The following STXBP3 variants were observed in gnomAD, a reference collection of about 807,000 sequenced individuals.
The protein encoded by STXBP3 is syntaxin binding protein 3, also known as syntaxin-binding protein 3.
Under a neutral mutation model 85.7 loss-of-function variants are expected in STXBP3, and 41 were observed. That is an observed-to-expected ratio of 0.48 (90% CI 0.37 to 0.62). STXBP3 has a LOEUF of 0.62. Among genes scored for constraint, STXBP3 ranks in the 20% least tolerant of loss-of-function variants. The pLI, the probability that STXBP3 is intolerant of heterozygous loss-of-function variation, is 0.00. For missense variants in STXBP3, 563 were observed against 703.1 expected (o/e 0.80, Z 2.25); for synonymous variants, 229 against 231.7 (o/e 0.99, Z 0.10).
intron 11 of STXBP3, among the ~76,000 whole-genome samples, chr1:108,784,110 T>G (rs901414715): frequency 1.2e-4 from 19 of 152,364 alleles, no homozygotes; most frequent in Admixed American, 1.1e-3. Context: ...TTTATCAATT[T>G]ATTTCTTTTA....
chr1:108,796,694 T>A lies in STXBP3; in HGVS notation c.1324T>A (p.Trp442Arg). The A allele has an allele frequency of 6.2e-7, 1 of 1,613,694 alleles. No homozygotes were observed. The highest frequency in any genetic ancestry group is 8.5e-7 in the Non-Finnish European group (1 of 1,179,832). The change falls in exon 15 of 19, where the codon TGG (tryptophan) becomes AGG (arginine). Residue 442 changes from tryptophan to arginine, a missense_variant. Around this residue, in one of 3 missense-constraint regions of STXBP3, gnomAD observed 494 missense variants for 592.8 expected, o/e 0.83. Coordinates refer to ENST00000370008, the MANE Select transcript of STXBP3 (RefSeq NM_007269.4). ...AAATGAGAGTGACATGATTCGTAAC[T>A]GGAGTTACCTTGGTGTTCCCATTGT... The part of the protein sequence containing the change: ...IENESDMIRN[W>R]SYLGVPIVPQ...
rs982190166 is a variant in STXBP3, at chr1:108,746,780, T to G, written c.43T>G (p.Trp15Gly). 7 of 1,550,000 alleles carry G rather than the reference T, an allele frequency of 4.5e-6. No homozygotes were observed. The highest frequency in any genetic ancestry group is 6.1e-6 in the Non-Finnish European group (7 of 1,146,604). The stretch of plus-strand genomic sequence containing the variant: ...AGAGAGGGGGCTAAAGAGCGTCGTG[T>G]GGCAGAGTGAGTGCGGTGGGGTAGG... Reference protein sequence around the residue: ...VAERGLKSVVWQKIKATVFDD... With the variant: ...VAERGLKSVVGQKIKATVFDD... Residue 15 changes from tryptophan (W) to glycine (G), a missense_variant, in exon 1 of 19, where the codon TGG becomes GGG. Trp to Gly is a radical substitution (Grantham distance 184). Coordinates refer to ENST00000370008, the MANE Select transcript of STXBP3 (RefSeq NM_007269.4).
chr1:108,775,563 T>G (rs890898060), intron 7 of STXBP3, among the ~76,000 whole-genome samples: 5 of 152,058 alleles, frequency 3.3e-5, no homozygotes, highest in Non-Finnish European at 7.4e-5. Context: ...CACCCACCAC[T>G]CCTGCCCCTT....
intron 6 of STXBP3, chr1:108,766,806 T>A (rs1662272804): frequency 3.7e-6 from 1 of 271,896 alleles, no homozygotes; most frequent in African/African-American, 2.3e-5. Context: ...CCAAATTGAC[T>A]CTTAACATTC....
intron 4 of STXBP3, 62 bp downstream of exon 4, chr1:108,756,828 T>A (rs1662031949): frequency 1.5e-6 from 2 of 1,320,954 alleles, no homozygotes; most frequent in South Asian, 2.9e-5. Flanking sequence ...TATGGTTTAC[T>A]AACAGAAAAT....
chr1:108,805,176 T>C (rs948519294), intron 17 of STXBP3, among the ~76,000 whole-genome samples: 9 of 152,208 alleles, frequency 5.9e-5, no homozygotes, highest in Non-Finnish European at 1.3e-4. Flanking sequence ...TAGAATTGTT[T>C]TGAGCAGTGT....
At chr1:108,756,854 A>G in intron 4 of STXBP3, 88 bp downstream of exon 4, 5 of 951,376 alleles carry the variant, frequency 5.3e-6, no homozygotes, top group Non-Finnish European at 7.4e-6. Flanking sequence ...GTAATAAAGT[A>G]CACTTTAGTA....
intron 3 of STXBP3, among the ~76,000 whole-genome samples, chr1:108,755,829 T>C (rs1034579236): frequency 2.6e-5 from 4 of 152,164 alleles, no homozygotes; most frequent in Non-Finnish European, 5.9e-5. Context: ...TCCTTGGAAA[T>C]ATTATTTGAT....
chr1:108,775,920 AACACACACACAC>A (rs59575550), intron 7 of STXBP3, among the ~76,000 whole-genome samples: 49,128 of 149,972 alleles, frequency 0.33, 8,509 homozygotes, highest in African/African-American at 0.41. Context: ...ATAAATCTCA[AACACACACACAC>A]ACACACACAC....
chr1:108,749,471 AC>A (rs1661859591), intron 1 of STXBP3, among the ~76,000 whole-genome samples: 1 of 152,206 alleles, frequency 6.6e-6, no homozygotes, highest in South Asian at 2.1e-4. Flanking sequence ...AAATTCTCTT[AC>A]CTTTGCTCTG....
chr1:108,797,663 C>T (rs1031604114), intron 15 of STXBP3, among the ~76,000 whole-genome samples: 2 of 152,094 alleles, frequency 1.3e-5, no homozygotes, highest in African/African-American at 4.8e-5. Flanking sequence ...CCGCCTCAGC[C>T]TCCCAAAGTT....
intron 15 of STXBP3, 64 bp downstream of exon 15, chr1:108,796,790 CTGT>C: frequency 2.5e-6 from 3 of 1,220,472 alleles, no homozygotes. Flanking sequence ...TATGTATTAA[CTGT>C]TTTTTTTTTT....
intron 1 of STXBP3, among the ~76,000 whole-genome samples, chr1:108,748,657 C>T (rs1057306199): frequency 1.3e-5 from 2 of 151,596 alleles, no homozygotes; most frequent in Non-Finnish European, 2.9e-5. Flanking sequence ...CATGGTGAAA[C>T]TCTCTCTCTA....
At chr1:108,800,572 T>C (rs10494097) in intron 17 of STXBP3, among the ~76,000 whole-genome samples, 11,412 of 152,232 alleles carry the variant, frequency 0.075, 492 homozygotes, top group African/African-American at 0.11. Flanking sequence ...TTGATAATTA[T>C]TTTTGTGTTG....
chr1:108,770,374 C>T (rs1242200374), intron 6 of STXBP3, among the ~76,000 whole-genome samples: 5 of 152,092 alleles, frequency 3.3e-5, no homozygotes, highest in South Asian at 2.1e-4. Flanking sequence ...AAGCCTTGGG[C>T]GGCCGTGCGA....
intron 11 of STXBP3, among the ~76,000 whole-genome samples, chr1:108,791,348 A>G (rs977577516): frequency 1.3e-5 from 2 of 152,020 alleles, no homozygotes; most frequent in African/African-American, 4.8e-5. Context: ...TTTATCCTCC[A>G]TGGGGTTTGC....
At chr1:108,790,154 G>A (rs1662946720) in intron 11 of STXBP3, among the ~76,000 whole-genome samples, 1 of 151,878 alleles carries the variant, frequency 6.6e-6, no homozygotes, top group Non-Finnish European at 1.5e-5. Flanking sequence ...TACCTGCTCT[G>A]TCAGTTACTA....
chr1:108,801,605 T>G (rs1164533999), intron 17 of STXBP3, among the ~76,000 whole-genome samples: 1 of 152,048 alleles, frequency 6.6e-6, no homozygotes, highest in Non-Finnish European at 1.5e-5. Context: ...TGAGTGTGGG[T>G]TAGGGGTTGC....
chr1:108,770,950 A>G (rs1570756357), intron 6 of STXBP3, among the ~76,000 whole-genome samples: 1 of 152,268 alleles, frequency 6.6e-6, no homozygotes, highest in East Asian at 1.9e-4. Context: ...TATTTTAAGG[A>G]CATGAAGAGT....
Sources: allele counts gnomAD v4.1 joint callset (sites outside exome capture counted in the v4.1 genomes callset), GRCh38; gene constraint gnomAD v4.1.1; regional missense constraint gnomAD v4.1.1; transcripts MANE v1.5; gene names NCBI Gene and HGNC (gene_info 2026-07-23, HGNC 2026-07-21).